CSMD1: variants seen among roughly 807,000 people sequenced by gnomAD.
The protein encoded by CSMD1 is CUB and Sushi multiple domains 1.
A neutral mutation model predicts 417.5 loss-of-function variants in CSMD1; 213 were observed. The observed-to-expected ratio is 0.51, with a 90% CI of 0.46 to 0.57. The LOEUF (loss-of-function observed/expected upper bound fraction) is 0.57, where lower values mean the gene tolerates loss of function less well. CSMD1 is among the 20% of genes least tolerant of loss of function. The pLI is 0.00. For synonymous variants in CSMD1, 2,862 were observed against 1,736.8 expected (o/e 1.65, Z -16.11); for missense variants, 6,923 against 4,529.7 (o/e 1.53, Z -15.17).
chr8:3,462,962 T>C (rs6991903), intron 12 of CSMD1, among the ~76,000 whole-genome samples: 10,746 of 152,218 alleles, frequency 0.071, 598 homozygotes, highest in East Asian at 0.15. Context: ...TTGTGAAGGA[T>C]GTCCAGGCTT....
chr8:4,826,549 C>T (rs530006578), intron 1 of CSMD1, among the ~76,000 whole-genome samples: 131 of 152,032 alleles, frequency 8.6e-4, no homozygotes, highest in Non-Finnish European at 1.4e-3. Context: ...GTCTATAATG[C>T]GTAGTGACCA....
At chr8:4,951,432 A>AGAAAGAAAGAGGGAAGGAAGGAAG (rs1299146341) in intron 1 of CSMD1, among the ~76,000 whole-genome samples, 3 of 151,608 alleles carry the variant, frequency 2.0e-5, no homozygotes, top group Admixed American at 6.6e-5. Flanking sequence ...AAAAAGAAAA[A>AGAAAGAAAGAGGGAAGGAAGGAAG]GAAAGAAAGA....
chr8:4,051,304 G>C (rs1030110703), intron 3 of CSMD1, among the ~76,000 whole-genome samples: 38 of 73,228 alleles, frequency 5.2e-4, no homozygotes, highest in Admixed American at 6.1e-4. Context: ...AAGTTTTGAA[G>C]ACTCAAAAAA....
intron 4 of CSMD1, among the ~76,000 whole-genome samples, chr8:4,012,925 A>G (rs1283644140): frequency 6.6e-6 from 1 of 151,744 alleles, no homozygotes; most frequent in Non-Finnish European, 1.5e-5. Context: ...CCTTCTTTAA[A>G]CAGCATTCTG....
chr8:4,147,258 C>T (rs888721472), intron 3 of CSMD1, among the ~76,000 whole-genome samples: 1 of 152,092 alleles, frequency 6.6e-6, no homozygotes, highest in Admixed American at 6.5e-5. Context: ...AATCCTTCAG[C>T]GGCTCCTCCT....
At chr8:3,174,290 T>A (rs1820771795) in intron 37 of CSMD1, among the ~76,000 whole-genome samples, 1 of 152,156 alleles carries the variant, frequency 6.6e-6, no homozygotes. Flanking sequence ...GCTCAGGAGT[T>A]GGAGACTAGC....
At position 4,043,404 on chromosome 8, in the gene CSMD1, G is replaced by C. The variant is rs577657399; in HGVS notation, c.416-11305C>G. On this transcript the variant is annotated intron_variant, in intron 3 of 69. Coordinates refer to ENST00000635120, the MANE Select transcript of CSMD1 (RefSeq NM_033225.6). ...AGCCACACCAATAAACATAGGAAGC[G>C]TAAATGACATGAACCTCACACCTGC... is the stretch of plus-strand genomic sequence containing the variant. Among the ~76,000 whole-genome samples, 8 of 152,256 alleles carry C rather than the reference G, an allele frequency of 5.3e-5. No homozygotes were observed. In the East Asian group the frequency reaches 1.4e-3, roughly 26 times the overall value.
At chr8:4,447,247 G>C (rs768236872) in intron 2 of CSMD1, among the ~76,000 whole-genome samples, 1 of 152,178 alleles carries the variant, frequency 6.6e-6, no homozygotes, top group Non-Finnish European at 1.5e-5. Flanking sequence ...GGATGCTTAC[G>C]TTATAGCAGG....
At chr8:4,440,664 CT>C (rs1798415913) in intron 2 of CSMD1, among the ~76,000 whole-genome samples, 1 of 152,176 alleles carries the variant, frequency 6.6e-6, no homozygotes, top group African/African-American at 2.4e-5. Flanking sequence ...ATTTGTGCTG[CT>C]TGAGAATTTT....
intron 4 of CSMD1, among the ~76,000 whole-genome samples, chr8:4,015,687 A>C (rs1796489098): frequency 6.9e-6 from 1 of 144,642 alleles, no homozygotes; most frequent in Non-Finnish European, 1.5e-5. Flanking sequence ...AAAAAAACTC[A>C]AGACAGCTGC....
intron 1 of CSMD1, among the ~76,000 whole-genome samples, chr8:4,990,859 G>A (rs886911002): frequency 6.6e-6 from 1 of 152,132 alleles, no homozygotes; most frequent in Non-Finnish European, 1.5e-5. Context: ...ATGCAGGTAT[G>A]GGAGGGCGCA....
At chr8:3,230,815 AT>A (rs1798791818) in intron 26 of CSMD1, among the ~76,000 whole-genome samples, 2 of 152,148 alleles carry the variant, frequency 1.3e-5, no homozygotes, top group South Asian at 2.1e-4. Context: ...GTTGGACAAT[AT>A]ATTATATGGC....
At chr8:3,407,204 A>T (rs184665622) in intron 14 of CSMD1, among the ~76,000 whole-genome samples, 1 of 150,844 alleles carries the variant, frequency 6.6e-6, no homozygotes, top group East Asian at 2.0e-4. Flanking sequence ...GAATGGATGG[A>T]TGGGTGAAAT....
At chr8:4,709,372 G>C (rs1015268775) in intron 1 of CSMD1, among the ~76,000 whole-genome samples, 1 of 152,134 alleles carries the variant, frequency 6.6e-6, no homozygotes, top group Non-Finnish European at 1.5e-5. Context: ...GTCCCATTGT[G>C]TGCAGCAATT....
intron 2 of CSMD1, among the ~76,000 whole-genome samples, chr8:4,490,120 A>G (rs1801627163): frequency 6.7e-6 from 1 of 149,414 alleles, no homozygotes. Context: ...GGCTAACTGC[A>G]ACCTCTGCCT....
intron 3 of CSMD1, among the ~76,000 whole-genome samples, chr8:4,331,107 A>T (rs1799845893): frequency 6.6e-6 from 1 of 152,170 alleles, no homozygotes; most frequent in South Asian, 2.1e-4. Context: ...ATAATAGCAA[A>T]ATGAAAATAT....
chr8:4,176,283 A>C (rs1563226593), intron 3 of CSMD1, among the ~76,000 whole-genome samples: 1 of 152,034 alleles, frequency 6.6e-6, no homozygotes, highest in East Asian at 1.9e-4. Context: ...ATGAGAACAA[A>C]ATTCTATAGC....
chr8:3,536,232 A>G (rs1798193061), intron 10 of CSMD1, among the ~76,000 whole-genome samples: 1 of 152,254 alleles, frequency 6.6e-6, no homozygotes, highest in African/African-American at 2.4e-5. Flanking sequence ...AAGCATCAAT[A>G]TTAATTTATA....
At chr8:4,262,466 G>T (rs1223856698) in intron 3 of CSMD1, among the ~76,000 whole-genome samples, 2 of 152,190 alleles carry the variant, frequency 1.3e-5, no homozygotes, top group Admixed American at 6.5e-5. Flanking sequence ...GGCAAAGACA[G>T]ATATTATATT....
Sources: allele counts gnomAD v4.1 joint callset (sites outside exome capture counted in the v4.1 genomes callset), GRCh38; gene constraint gnomAD v4.1.1; transcripts MANE v1.5; gene names NCBI Gene and HGNC (gene_info 2026-07-23, HGNC 2026-07-21).